Variants in WWOX observed in about 807,000 individuals in gnomAD.
WWOX encodes WW domain-containing oxidoreductase.
Under a neutral mutation model 46.2 loss-of-function variants are expected in WWOX, and 69 were observed. The observed-to-expected ratio is 1.49, with a 90% CI of 1.23 to 1.82. The LOEUF (loss-of-function observed/expected upper bound fraction) is 1.82, where lower values mean the gene tolerates loss of function less well. Among genes scored for constraint, WWOX ranks in the 40% most tolerant of loss-of-function variants. The pLI is 0.00. For synonymous variants in WWOX, 359 were observed against 202.6 expected (o/e 1.77, Z -6.56); for missense variants, 919 against 542.6 (o/e 1.69, Z -6.89).
intron 8 of WWOX, among the ~76,000 whole-genome samples, chr16:79,175,473 C>T (rs1423052673): frequency 2.0e-5 from 3 of 152,180 alleles, no homozygotes; most frequent in African/African-American, 7.2e-5. Flanking sequence ...TAGCAGGAAT[C>T]ACGTGACAAT....
intron 8 of WWOX, among the ~76,000 whole-genome samples, chr16:78,997,549 C>T (rs887804611): frequency 2.0e-5 from 3 of 152,120 alleles, no homozygotes; most frequent in African/African-American, 7.2e-5. Flanking sequence ...TTCACCTAAA[C>T]AATAGCATGT....
intron 5 of WWOX, chr16:78,241,139 A>G (rs1290053519): frequency 6.6e-6 from 1 of 152,214 alleles, no homozygotes; most frequent in African/African-American, 2.4e-5. Context: ...GTACAGATGA[A>G]AGTCTTGTGA....
At chr16:78,370,046 C>T (rs551783938) in intron 5 of WWOX, among the ~76,000 whole-genome samples, 4 of 143,640 alleles carry the variant, frequency 2.8e-5, no homozygotes, top group African/African-American at 7.6e-5. Flanking sequence ...GCATCAGAAT[C>T]GCTTCAGCTT....
chr16:78,435,213 A>T (rs2083307330), intron 8 of WWOX, among the ~76,000 whole-genome samples: 2 of 152,118 alleles, frequency 1.3e-5, no homozygotes, highest in African/African-American at 4.8e-5. Flanking sequence ...GAGGATGCAC[A>T]ATGAATTGGA....
intron 8 of WWOX, among the ~76,000 whole-genome samples, chr16:79,107,733 A>G (rs572173609): frequency 6.6e-6 from 1 of 152,348 alleles, no homozygotes; most frequent in African/African-American, 2.4e-5. Flanking sequence ...CAGAAATTCT[A>G]GATTTATAAA....
chr16:79,045,838 G>C (rs562374015), intron 8 of WWOX, among the ~76,000 whole-genome samples: 3 of 103,718 alleles, frequency 2.9e-5, no homozygotes, highest in Admixed American at 1.6e-4. Flanking sequence ...GTCTCACTCT[G>C]TTGCCCAGGC....
intron 8 of WWOX, among the ~76,000 whole-genome samples, chr16:78,690,398 C>A (rs777301766): frequency 4.6e-5 from 7 of 152,020 alleles, no homozygotes; most frequent in Non-Finnish European, 8.8e-5. Flanking sequence ...AAAAAATAAA[C>A]AAACTTAGCC....
intron 8 of WWOX, among the ~76,000 whole-genome samples, chr16:78,613,855 G>A (rs2151634079): frequency 6.6e-6 from 1 of 152,328 alleles, no homozygotes; most frequent in East Asian, 1.9e-4. Flanking sequence ...CGTATTCTGT[G>A]TATTACAGGG....
chr16:79,103,666 C>T lies in WWOX; in HGVS notation c.1057-107942C>T, dbSNP rs191989172. On this transcript the variant is annotated intron_variant, in intron 8 of 8. Coordinates refer to ENST00000566780, the MANE Select transcript of WWOX (RefSeq NM_016373.4). Reference sequence around the variant, plus strand: ...CCAGTAACATTTAAAATGACCTATCCAGTCCATGCATATTAGCTATTCATA... The same window carrying T: ...CCAGTAACATTTAAAATGACCTATCTAGTCCATGCATATTAGCTATTCATA... 1.5e-4 allele frequency among the ~76,000 whole-genome samples: 23 copies of T among 152,222 alleles called. No homozygotes were observed. The South Asian group carries it at 3.5e-3, about 23-fold the overall frequency.
At chr16:78,856,501 G>T (rs1208901351) in intron 8 of WWOX, among the ~76,000 whole-genome samples, 1 of 152,100 alleles carries the variant, frequency 6.6e-6, no homozygotes, top group African/African-American at 2.4e-5. Flanking sequence ...AAATCAGCTG[G>T]TTGTGGTGGT....
intron 7 of WWOX, among the ~76,000 whole-genome samples, chr16:78,429,992 C>T (rs188320012): frequency 1.3e-5 from 2 of 152,232 alleles, no homozygotes; most frequent in East Asian, 3.9e-4. Context: ...TGAAGCCTGA[C>T]TATATTAGTC....
At chr16:78,897,504 G>A (rs2044731158) in intron 8 of WWOX, 1 of 151,898 alleles carries the variant, frequency 6.6e-6, no homozygotes, top group African/African-American at 2.4e-5. Context: ...GTGTATTAGG[G>A]GTTCTCTTTT....
chr16:78,347,190 A>T (rs1453367270), intron 5 of WWOX, among the ~76,000 whole-genome samples: 1 of 116,416 alleles, frequency 8.6e-6, no homozygotes, highest in African/African-American at 2.9e-5. Context: ...CTTTCTAATT[A>T]TCTCCTTCCC....
chr16:78,902,024 C>A (rs2044843520), intron 8 of WWOX, among the ~76,000 whole-genome samples: 1 of 152,178 alleles, frequency 6.6e-6, no homozygotes, highest in African/African-American at 2.4e-5. Flanking sequence ...GAAATAGTGA[C>A]CAACACAAAT....
chr16:78,664,342 T>G (rs974835078), intron 8 of WWOX, among the ~76,000 whole-genome samples: 1 of 152,118 alleles, frequency 6.6e-6, no homozygotes, highest in South Asian at 2.1e-4. Context: ...GCACCCAGTT[T>G]ATGTGTGCTG....
Position 78,365,151 on chromosome 16 carries a change from C to G in WWOX, c.517-21709C>G, listed in dbSNP as rs537259044. Reference sequence around the variant, plus strand: ...TGCTAATACCTACTTCTTGAAGATGCTGAGGTTGAGGGAAGAAATAAATGT... The same window carrying G: ...TGCTAATACCTACTTCTTGAAGATGGTGAGGTTGAGGGAAGAAATAAATGT... On this transcript the variant is annotated intron_variant, in intron 5 of 8. Transcript: ENST00000566780. Among the ~76,000 whole-genome samples, 387 of 152,244 alleles carry G rather than the reference C, an allele frequency of 2.5e-3. 1 individual carries two copies. The highest frequency in any genetic ancestry group is 4.7e-3 in the Non-Finnish European group (317 of 68,030).
chr16:79,146,972 A>T (rs2050193567), intron 8 of WWOX, among the ~76,000 whole-genome samples: 1 of 152,220 alleles, frequency 6.6e-6, no homozygotes, highest in African/African-American at 2.4e-5. Flanking sequence ...ATATACAATG[A>T]TTCCTCATAT....
Position 78,643,477 on chromosome 16 carries a change from G to A in WWOX, c.1056+210725G>A, listed in dbSNP as rs145607584. Among the ~76,000 whole-genome samples the A allele has an allele frequency of 5.3e-5, 8 of 152,240 alleles. No homozygotes were observed. The East Asian group carries it at 1.6e-3, about 30-fold the overall frequency. ...TGTGCTACCAAGTCACCCATGAGTA[G>A]CAATTAGGCGACTTCTAACATGTCC... On this transcript the variant is annotated intron_variant, in intron 8 of 8. Coordinates refer to ENST00000566780, the MANE Select transcript of WWOX (RefSeq NM_016373.4).
intron 4 of WWOX, among the ~76,000 whole-genome samples, chr16:78,131,549 C>G (rs1311691711): frequency 1.3e-5 from 2 of 151,746 alleles, no homozygotes; most frequent in Non-Finnish European, 2.9e-5. Flanking sequence ...TTCTGTATTT[C>G]TATTTGTATT....
Sources: gnomAD v4.1 joint callset for allele counts (sites outside exome capture counted in the v4.1 genomes callset) on GRCh38, gnomAD v4.1.1 for gene constraint, MANE v1.5 for transcripts, NCBI Gene and HGNC (gene_info 2026-07-23, HGNC 2026-07-21) for gene names.